SLC14A2: variants seen among roughly 807,000 people sequenced by gnomAD.
SLC14A2 encodes the protein urea transporter 2.
Under a neutral mutation model 104.6 loss-of-function variants are expected in SLC14A2, and 91 were observed. That is an observed-to-expected ratio of 0.87 (90% confidence interval 0.73 to 1.04). SLC14A2 has a LOEUF of 1.04. Among genes scored for constraint, SLC14A2 ranks in the 50% least tolerant of loss-of-function variants. The pLI is 0.00. For synonymous variants in SLC14A2, 476 were observed against 466.4 expected, an observed-to-expected ratio of 1.02 and a Z score of -0.27; for missense variants, 1,189 against 1,156.0, an observed-to-expected ratio of 1.03 and a Z score of -0.41.
intron 1 of SLC14A2, among the ~76,000 whole-genome samples, chr18:45,310,027 C>G (rs866590419): frequency 6.6e-6 from 1 of 151,742 alleles, no homozygotes; most frequent in African/African-American, 2.4e-5. Flanking sequence ...TCATCCATAT[C>G]GATGCGTAGG....
At chr18:45,607,535 G>A (rs1443847329) in intron 2 of SLC14A2, among the ~76,000 whole-genome samples, 2 of 151,992 alleles carry the variant, frequency 1.3e-5, no homozygotes, top group Non-Finnish European at 2.9e-5. Flanking sequence ...CCTTTTTTGG[G>A]TTCCTGCTAG....
At chr18:45,232,718 C>T (rs1405690653) in intron 1 of SLC14A2, among the ~76,000 whole-genome samples, 1 of 152,148 alleles carries the variant, frequency 6.6e-6, no homozygotes, top group Non-Finnish European at 1.5e-5. Context: ...GTCATAAGTT[C>T]AGCTTAATTG....
chr18:45,400,407 T>G (rs2144449055), intron 1 of SLC14A2, among the ~76,000 whole-genome samples: 1 of 152,346 alleles, frequency 6.6e-6, no homozygotes, highest in South Asian at 2.1e-4. Flanking sequence ...CAGTCAGAAA[T>G]ATTCCAGAAG....
chr18:45,185,686 AAAAT>A, the SLC14A2 span, among the ~76,000 whole-genome samples: 1 of 152,172 alleles, frequency 6.6e-6, no homozygotes, highest in African/African-American at 2.4e-5. Flanking sequence ...TTGAAAGAAA[AAAAT>A]AAAACTATCT....
intron 1 of SLC14A2, among the ~76,000 whole-genome samples, chr18:45,283,452 A>G (rs995104920): frequency 1.4e-5 from 2 of 142,710 alleles, no homozygotes; most frequent in Non-Finnish European, 3.0e-5. Context: ...GAAATTTCTG[A>G]ACACGTTGAG....
chr18:45,567,717 C>T (rs1312663706), intron 2 of SLC14A2, among the ~76,000 whole-genome samples: 1 of 152,224 alleles, frequency 6.6e-6, no homozygotes, highest in African/African-American at 2.4e-5. Context: ...CTTTCCACCT[C>T]TCTCGGCCTC....
chr18:45,636,778 A>C (rs2045422660), intron 5 of SLC14A2, among the ~76,000 whole-genome samples: 1 of 151,680 alleles, frequency 6.6e-6, no homozygotes, highest in African/African-American at 2.4e-5. Flanking sequence ...GATGACAATA[A>C]ATTGGCAAAA....
intron 2 of SLC14A2, among the ~76,000 whole-genome samples, chr18:45,567,672 C>T (rs1018407133): frequency 3.3e-5 from 5 of 152,188 alleles, no homozygotes; most frequent in African/African-American, 1.2e-4. Flanking sequence ...AGCTGTCCTG[C>T]GTCAAGCAAG....
At chr18:45,662,018 G>A (rs2045943473) in intron 10 of SLC14A2, among the ~76,000 whole-genome samples, 1 of 152,180 alleles carries the variant, frequency 6.6e-6, no homozygotes, top group South Asian at 2.1e-4. Context: ...TAAAAATATA[G>A]ACAAGGCTGG....
At chr18:45,544,506 AC>A (rs2043938134) in intron 2 of SLC14A2, among the ~76,000 whole-genome samples, 1 of 152,184 alleles carries the variant, frequency 6.6e-6, no homozygotes, top group African/African-American at 2.4e-5. Context: ...TTTATAAAAA[AC>A]GACACAAAAA....
chr18:45,227,208 T>G (rs2144011026), intron 1 of SLC14A2, among the ~76,000 whole-genome samples: 1 of 152,228 alleles, frequency 6.6e-6, no homozygotes, highest in East Asian at 1.9e-4. Context: ...ATGCAGGAAT[T>G]TATCTCTCCA....
intron 2 of SLC14A2, among the ~76,000 whole-genome samples, chr18:45,515,241 G>A (rs1370563316): frequency 6.6e-6 from 1 of 152,224 alleles, no homozygotes; most frequent in African/African-American, 2.4e-5. Flanking sequence ...GGATATTATG[G>A]TTTTAAAGTA....
rs761706158 is a variant in SLC14A2, at chr18:45,624,637, G to A, written c.-28G>A. ...TCCCTTTCCTTCCGTCTAGTCCATCGATAGAAGAGTGGCTGTGACCCGAAG... is the reference window on the plus strand; with the variant it reads ...TCCCTTTCCTTCCGTCTAGTCCATCAATAGAAGAGTGGCTGTGACCCGAAG... On this transcript the variant is annotated 5_prime_UTR_variant, in exon 2 of 20. Transcript: ENST00000255226. 7.8e-5 allele frequency: 125 copies of A among 1,598,870 alleles called. No homozygotes were observed. The highest frequency in any genetic ancestry group is 1.7e-4 in the Middle Eastern group (1 of 6,002).
At chr18:45,330,695 G>A (rs555210825) in intron 1 of SLC14A2, among the ~76,000 whole-genome samples, 5 of 152,258 alleles carry the variant, frequency 3.3e-5, no homozygotes, top group East Asian at 1.9e-4. Flanking sequence ...TCACTCTCCC[G>A]CCAGACCCTT....
intron 2 of SLC14A2, among the ~76,000 whole-genome samples, chr18:45,570,055 G>A (rs370806463): frequency 6.6e-4 from 101 of 152,280 alleles, no homozygotes; most frequent in African/African-American, 2.3e-3. Flanking sequence ...AGATAATCAG[G>A]AAAAAGTGTC....
intron 2 of SLC14A2, among the ~76,000 whole-genome samples, chr18:45,511,908 T>C (rs183352391): frequency 6.6e-6 from 1 of 152,152 alleles, no homozygotes; most frequent in African/African-American, 2.4e-5. Flanking sequence ...TAAAGCACTA[T>C]GGCAAGAAAA....
Position 45,439,952 on chromosome 18 carries a change from G to A in SLC14A2, c.-124-43281G>A, listed in dbSNP as rs1414028754. ...CATTTCCTTACAGGAGAGTAATTCAGCATTGGAAAGCTAGTTGCAGTGCCC... is the reference window on the plus strand; with the variant it reads ...CATTTCCTTACAGGAGAGTAATTCAACATTGGAAAGCTAGTTGCAGTGCCC... On this transcript the variant is annotated intron_variant, in intron 1 of 20. Coordinates refer to the SLC14A2 transcript ENST00000586448. 2.0e-5 allele frequency among the ~76,000 whole-genome samples: 3 copies of A among 152,202 alleles called. No homozygotes were observed. The East Asian group carries it at 5.8e-4, about 29-fold the overall frequency.
the SLC14A2 span, among the ~76,000 whole-genome samples, chr18:45,196,865 C>T: frequency 1.3e-4 from 20 of 152,348 alleles, no homozygotes; most frequent in African/African-American, 4.6e-4. Flanking sequence ...CTTGAAATAA[C>T]TCACAGACCA....
chr18:45,537,424 G>A (rs2043810590), intron 2 of SLC14A2, among the ~76,000 whole-genome samples: 1 of 152,118 alleles, frequency 6.6e-6, no homozygotes, highest in Admixed American at 6.6e-5. Flanking sequence ...AGTGAGCCAT[G>A]CAGGTAACTG....
Sources: allele counts gnomAD v4.1 joint callset (sites outside exome capture counted in the v4.1 genomes callset), GRCh38; gene constraint gnomAD v4.1.1; transcripts MANE v1.5; gene names NCBI Gene and HGNC (gene_info 2026-07-23, HGNC 2026-07-21).